TBC1D24: variants seen among roughly 807,000 people sequenced by gnomAD.
TBC1D24 encodes the protein Infantile myoclonic epilepsy.
Under a neutral mutation model 50.7 loss-of-function variants are expected in TBC1D24, and 47 were observed. The ratio of observed to expected loss-of-function variants is 0.93; its 90% CI spans 0.73 to 1.18. The LOEUF is 1.18. TBC1D24 is among the 50% of genes most tolerant of loss of function. The pLI, the probability that TBC1D24 is intolerant of heterozygous loss-of-function variation, is 0.00. For synonymous variants in TBC1D24, 324 were observed against 335.2 expected (o/e 0.97, Z 0.36); for missense variants, 688 against 766.5 (o/e 0.90, Z 1.21).
rs1299431935 is a variant in TBC1D24, at chr16:2,498,397, G to C, written c.1142+1G>C. 6.2e-7 allele frequency: 1 copy of C among 1,602,838 alleles called. No homozygotes were observed. Among genetic ancestry groups the C allele is most frequent in the Non-Finnish European group, 8.5e-7 (1 of 1,175,146 alleles). On this transcript the variant is annotated splice_donor_variant, in intron 4 of 7. Transcript: ENST00000646147. LOFTEE classifies it high-confidence loss of function. ...TGCAGCACGGGTACAGCCTGGCCAG[G>C]TAACACCCCAAGGGGCCAGAGCGGG...
intron 1 of TBC1D24, among the ~76,000 whole-genome samples, chr16:2,488,635 C>T (rs1417832725): frequency 6.6e-6 from 1 of 150,698 alleles, no homozygotes; most frequent in Non-Finnish European, 1.5e-5. Context: ...CCTTAGCCTC[C>T]TGAGTAGGTG....
In TBC1D24 at chr16:2,498,185, T is replaced by C. The variant is rs990409886; in HGVS notation, c.984-53T>C. 9 of 1,550,128 alleles carry C rather than the reference T, an allele frequency of 5.8e-6. No homozygotes were observed. In the African/African-American group the frequency reaches 1.2e-4, roughly 21 times the overall value. ...GCTCTGGGGCATACCTCGGGGGGCA[T>C]GGCCTGGCCCCAGACGTGCCTTCGG... On this transcript the variant is annotated intron_variant, in intron 3 of 7. Transcript: ENST00000646147.
chr16:2,490,906 C>G (rs1189722216), intron 1 of TBC1D24, among the ~76,000 whole-genome samples: 1 of 152,222 alleles, frequency 6.6e-6, no homozygotes, highest in Non-Finnish European at 1.5e-5. Context: ...ACAGAGGAGG[C>G]CTTGTTTGCT....
intron 3 of TBC1D24, 74 bp downstream of exon 3, chr16:2,497,801 C>G (rs2065756447): frequency 6.8e-7 from 1 of 1,468,416 alleles, no homozygotes; most frequent in South Asian, 1.2e-5. Flanking sequence ...GCTGCTTGCT[C>G]TGGGTCTCAG....
At chr16:2,497,831 C>A in intron 3 of TBC1D24, 104 bp downstream of exon 3, 1 of 1,203,402 alleles carries the variant, frequency 8.3e-7, no homozygotes, top group Non-Finnish European at 1.2e-6. Context: ...CGTGGGCCAG[C>A]TTCAGCAGCG....
chr16:2,478,463 A>T (rs115008620), intron 1 of TBC1D24: 2 of 152,530 alleles, frequency 1.3e-5, no homozygotes, highest in Non-Finnish European at 2.9e-5. Flanking sequence ...GGAGATGGCG[A>T]TGAGGTTACT....
chr16:2,496,778 G>C lies in TBC1D24; in HGVS notation c.630G>C (p.Ala210=), dbSNP rs776459372. The C allele has an allele frequency of 6.2e-7, 1 of 1,613,986 alleles. No homozygotes were observed. The highest frequency in any genetic ancestry group is 1.7e-5 in the Admixed American group (1 of 60,034). Residue 210 remains alanine, a synonymous_variant, in exon 2 of 8, where the codon GCG becomes GCC. Coordinates refer to ENST00000646147, the MANE Select transcript of TBC1D24 (RefSeq NM_001199107.2). ...AVSEDVLQVY[A]DWQRWLFGEL... Reference sequence around the variant, plus strand: ...CGGAGGATGTCCTGCAGGTCTATGCGGACTGGCAGCGCTGGCTGTTTGGGG... The same window carrying C: ...CGGAGGATGTCCTGCAGGTCTATGCCGACTGGCAGCGCTGGCTGTTTGGGG...
Position 2,500,786 on chromosome 16 carries a change from G to C in TBC1D24, c.1526-18G>C. On this transcript the variant is annotated intron_variant, in intron 7 of 7. Coordinates refer to ENST00000646147, the MANE Select transcript of TBC1D24 (RefSeq NM_001199107.2). This position sits in a 1 kb window ranked among gnomAD's most constrained non-coding sequence, Gnocchi z 8.0. ...CTGATAGGGCAGTCAGGCCGCCACT[G>C]ACCTGAGCATCCTGCAGGGGGAGGA... The C allele has an allele frequency of 1.3e-6, 2 of 1,598,574 alleles. No individual in the cohort carries two copies. The highest frequency in any genetic ancestry group is 1.7e-6 in the Non-Finnish European group (2 of 1,178,270).
At position 2,498,329 on chromosome 16, in the gene TBC1D24, G is replaced by A. The variant is rs762442022; in HGVS notation, c.1075G>A (p.Glu359Lys). ...GAGAGACATCTGGTCCTGGGTCCCC[G>A]AGCGCTTTGCCCTGTGCCAGCCCCT... ...EMRDIWSWVP[E>K]RFALCQPLLL... Residue 359 changes from glutamate to lysine, a missense_variant, in exon 4 of 8, where the codon GAG (glutamate) becomes AAG (lysine). By Grantham distance (56) the Glu-to-Lys change is moderately conservative. Transcript: ENST00000646147. 20 of 1,610,274 alleles carry A rather than the reference G, an allele frequency of 1.2e-5. No homozygotes were observed. The East Asian group carries it at 2.0e-4, about 16-fold the overall frequency.
chr16:2,495,931 C>G, intron 1 of TBC1D24, 103 bp from the exon 2 acceptor site: 1 of 594,134 alleles, frequency 1.7e-6, no homozygotes, highest in East Asian at 3.2e-5. Context: ...GAGCGAGACC[C>G]TGTCTCAAAA....
rs2065804281 is a variant in TBC1D24 at position 2,502,692 on chromosome 16, A to C, written c.*1734A>C. 1.3e-5 allele frequency: 2 copies of C among 152,778 alleles called. No individual in the cohort carries two copies. Among genetic ancestry groups the C allele is most frequent in the Non-Finnish European group, 1.5e-5 (1 of 68,072 alleles). 9.5% of individuals were successfully genotyped at this position (152,778 alleles called of 1,614,324 possible). On this transcript the variant is annotated 3_prime_UTR_variant, in exon 8 of 8. Coordinates refer to ENST00000646147, the MANE Select transcript of TBC1D24 (RefSeq NM_001199107.2). ...TGCTGTCCTCCTCACAGGACTGTTG[A>C]GAGGCTCGCAGGGGGATGGGGTGAA...
chr16:2,493,892 A>G (rs1289064432), intron 1 of TBC1D24, among the ~76,000 whole-genome samples: 1 of 152,184 alleles, frequency 6.6e-6, no homozygotes, highest in Non-Finnish European at 1.5e-5. Context: ...CTTCTGGCCC[A>G]TTCGGATCCA....
chr16:2,496,569 C>A lies in TBC1D24; in HGVS notation c.421C>A (p.Leu141Met), dbSNP rs760872349. 8.7e-6 allele frequency: 14 copies of A among 1,609,058 alleles called. No homozygotes were observed. In the South Asian group the frequency reaches 1.5e-4, roughly 18 times the overall value. ...CGCCCTGCCGGCCGTGGTGGCCCTG[C>A]TGCTGCACTACAGCATCGACGAGGC... ...CPALPAVVAL[L>M]LHYSIDEAEC... Residue 141 changes from leucine (L) to methionine (M), a missense_variant, in exon 2 of 8, where the codon CTG (leucine) becomes ATG (methionine). Physicochemically the swap from Leu to Met is conservative, Grantham distance 15. Transcript: ENST00000646147.
Position 2,505,267 on chromosome 16 carries a change from A to G in TBC1D24, c.*4309A>G, listed in dbSNP as rs1189452269. 1 of 152,224 alleles carries G rather than the reference A, an allele frequency of 6.6e-6. No individual in the cohort carries two copies. The highest frequency in any genetic ancestry group is 1.5e-5 in the Non-Finnish European group (1 of 68,044). The allele number at this position is 152,224 out of a possible 1,614,324, so 9.4% of individuals were successfully genotyped here. A position where few individuals can be genotyped will look rare whatever the true frequency, so the allele number is the denominator to read the frequency against. On this transcript the variant is annotated 3_prime_UTR_variant, in exon 8 of 8. Coordinates refer to ENST00000646147, the MANE Select transcript of TBC1D24 (RefSeq NM_001199107.2). ...GTGCTTGAGAAGTTAGGTACAATGT[A>G]ATGTGATTCATTGCTAAAAACAAAA...
chr16:2,480,032 A>C (rs761033845), intron 1 of TBC1D24: 1 of 152,100 alleles, frequency 6.6e-6, no homozygotes, highest in Non-Finnish European at 1.5e-5. Flanking sequence ...GGGTTTCACC[A>C]TGTTGGCCTG....
In TBC1D24 at chr16:2,482,072, T is replaced by G. The variant is rs1191764587; in HGVS notation, c.-116+6902T>G. ...AGGCAGGCACCCCTTACCTTCCTGT[T>G]ATGTGAAGATGCCTGCAGGAAAGGT... is the stretch of plus-strand genomic sequence containing the variant. On this transcript the variant is annotated intron_variant, in intron 1 of 7. Coordinates refer to ENST00000646147, the MANE Select transcript of TBC1D24 (RefSeq NM_001199107.2). The surrounding 1 kb of genome is among the most constrained non-coding windows in gnomAD (Gnocchi z 5.2). 4 of 152,254 alleles carry G rather than the reference T, an allele frequency of 2.6e-5. No individual in the cohort carries two copies. The East Asian group carries it at 7.7e-4, about 29-fold the overall frequency. 9.4% of individuals were successfully genotyped at this position (152,254 alleles called of 1,614,324 possible).
rs1476857384 is a variant in TBC1D24, at chr16:2,475,432, C to T, written c.-116+262C>T. ...CTGGGCGCGAGGCCCGATCCCCGCCCGGTCGCTGGCCCGCGGCCCGGCCCA... is the reference window on the plus strand; with the variant it reads ...CTGGGCGCGAGGCCCGATCCCCGCCTGGTCGCTGGCCCGCGGCCCGGCCCA... On this transcript the variant is annotated intron_variant, in intron 1 of 7. Coordinates refer to ENST00000646147, the MANE Select transcript of TBC1D24 (RefSeq NM_001199107.2). The surrounding 1 kb of genome is among the most constrained non-coding windows in gnomAD (Gnocchi z 4.2). Among the ~76,000 whole-genome samples, 5 of 151,860 alleles carry T rather than the reference C, an allele frequency of 3.3e-5. No individual in the cohort carries two copies. The highest frequency in any genetic ancestry group is 1.2e-4 in the African/African-American group (5 of 41,396).
In TBC1D24 at chr16:2,487,127, C is replaced by T. The variant is rs574910647; in HGVS notation, c.-115-8907C>T. Among the ~76,000 whole-genome samples the T allele has an allele frequency of 5.3e-5, 8 of 152,376 alleles. No homozygotes were observed. Among genetic ancestry groups the T allele is most frequent in the East Asian group, 1.9e-4 (1 of 5,182 alleles). The stretch of plus-strand genomic sequence containing the variant: ...CTGCCAGGGCCGCCCAGCTCGCCTT[C>T]GCCCACTCTTGCCTCCACATCTGAG... On this transcript the variant is annotated intron_variant, in intron 1 of 7. Transcript: ENST00000646147. The surrounding 1 kb of genome is among the most constrained non-coding windows in gnomAD (Gnocchi z 4.1).
chr16:2,496,390 T>A lies in TBC1D24; in HGVS notation c.242T>A (p.Ile81Asn), dbSNP rs1347306529. The A allele has an allele frequency of 1.2e-6, 2 of 1,613,136 alleles. No individual in the cohort carries two copies. Among genetic ancestry groups the A allele is most frequent in the Non-Finnish European group, 1.7e-6 (2 of 1,179,980 alleles). Residue 81 changes from isoleucine (I) to asparagine (N), a missense_variant, in exon 2 of 8, where the codon ATC (isoleucine) becomes AAC (asparagine). Coordinates refer to ENST00000646147, the MANE Select transcript of TBC1D24 (RefSeq NM_001199107.2). ...GTGTACAGCGACATCGTGGGCAAGA[T>A]CGTGGGCAAGCACAGCAGCAGCTGC... The part of the protein sequence containing the change: ...ASVYSDIVGK[I>N]VGKHSSSCLP...
Sources: allele counts gnomAD v4.1 joint callset (sites outside exome capture counted in the v4.1 genomes callset), GRCh38; gene constraint gnomAD v4.1.1; non-coding constraint Gnocchi (gnomAD v3.1); transcripts MANE v1.5; gene names NCBI Gene and HGNC (gene_info 2026-07-23, HGNC 2026-07-21).